LSMEM1: variants seen among roughly 807,000 people sequenced by gnomAD.
LSMEM1 encodes leucine rich single-pass membrane protein 1, also known as leucine-rich single-pass membrane protein 1.
Under a neutral mutation model 11.3 loss-of-function variants are expected in LSMEM1, and 10 were observed. The observed-to-expected ratio is 0.89, with a 90% CI of 0.55 to 1.50. The LOEUF is 1.50. Among genes scored for constraint, LSMEM1 ranks in the 40% most tolerant of loss-of-function variants. LSMEM1 has a pLI of 0.00. For synonymous variants in LSMEM1, 65 were observed against 59.3 expected, an observed-to-expected ratio of 1.10 and a Z score of -0.44; for missense variants, 151 against 152.9, an observed-to-expected ratio of 0.99 and a Z score of 0.06.
chr7:112,480,996 A>G lies in LSMEM1; in HGVS notation c.-356A>G, dbSNP rs1796022104. ...CAGATAAGGACGGTAACTTCAGTCC[A>G]ATAAAAACCTCATCAGTTACCAACT... On this transcript the variant is annotated 5_prime_UTR_variant, in exon 1 of 4. Coordinates refer to ENST00000312849, the MANE Select transcript of LSMEM1 (RefSeq NM_182597.3). 1 of 401,238 alleles carries G rather than the reference A, an allele frequency of 2.5e-6. No homozygotes were observed. The allele number at this position is 401,238 out of a possible 1,614,324, so 24.9% of individuals were successfully genotyped here. A position where few individuals can be genotyped will look rare whatever the true frequency, so the allele number is the denominator to read the frequency against.
intron 2 of LSMEM1, among the ~76,000 whole-genome samples, chr7:112,485,755 G>A (rs2117367710): frequency 6.6e-6 from 1 of 152,098 alleles, no homozygotes; most frequent in South Asian, 2.1e-4. Flanking sequence ...AGTGGCTGAA[G>A]CGTATGGCAT....
At chr7:112,485,009 C>G in intron 2 of LSMEM1, 66 bp downstream of exon 2, 1 of 1,471,530 alleles carries the variant, frequency 6.8e-7, no homozygotes, top group Admixed American at 1.9e-5. Context: ...ATAGCCACTG[C>G]TGACTGGATG....
At chr7:112,488,998 T>C (rs1324771888) in intron 3 of LSMEM1, among the ~76,000 whole-genome samples, 1 of 152,184 alleles carries the variant, frequency 6.6e-6, no homozygotes, top group African/African-American at 2.4e-5. Context: ...AAAATGGGGC[T>C]CAAGGATACT....
intron 1 of LSMEM1, among the ~76,000 whole-genome samples, chr7:112,482,469 G>C (rs1796050122): frequency 6.6e-6 from 1 of 152,198 alleles, no homozygotes; most frequent in African/African-American, 2.4e-5. Context: ...AAGGCTCAAG[G>C]CTATTAAGTC....
chr7:112,484,988 G>C, intron 2 of LSMEM1, 45 bp downstream of exon 2: 1 of 1,547,182 alleles, frequency 6.5e-7, no homozygotes, highest in Non-Finnish European at 8.7e-7. Context: ...TAGCTTCTAG[G>C]CTACCTAAAA....
chr7:112,490,057 C>T lies in LSMEM1; in HGVS notation c.*108C>T. On this transcript the variant is annotated 3_prime_UTR_variant, in exon 4 of 4. Transcript: ENST00000312849. Reference sequence around the variant, plus strand: ...TGCACTTCCTCAGGCAACAGATGATCTGGTCAGGCAACCCACCCCTGGGGC... The same window carrying T: ...TGCACTTCCTCAGGCAACAGATGATTTGGTCAGGCAACCCACCCCTGGGGC... 7.5e-7 allele frequency: 1 copy of T among 1,334,938 alleles called. No homozygotes were observed. The highest frequency in any genetic ancestry group is 2.4e-5 in the East Asian group (1 of 41,542). 82.7% of individuals were successfully genotyped at this position (1,334,938 alleles called of 1,614,324 possible).
intron 3 of LSMEM1, among the ~76,000 whole-genome samples, chr7:112,487,742 A>C (rs1018564662): frequency 3.9e-5 from 6 of 152,122 alleles, no homozygotes; most frequent in African/African-American, 1.4e-4. Context: ...GGTGCTGTCC[A>C]CCTGCGGTGC....
intron 1 of LSMEM1, among the ~76,000 whole-genome samples, chr7:112,482,645 A>G (rs919247923): frequency 2.2e-5 from 3 of 137,858 alleles, no homozygotes; most frequent in Admixed American, 7.0e-5. Context: ...ACACATCTAA[A>G]AGAATTGTTT....
At chr7:112,484,205 G>A (rs6963813) in intron 1 of LSMEM1, among the ~76,000 whole-genome samples, 38,588 of 152,110 alleles carry the variant, frequency 0.25, 6,204 homozygotes, top group Non-Finnish European at 0.37. Context: ...GGGACTCACA[G>A]TCAGCATCTT....
intron 2 of LSMEM1, among the ~76,000 whole-genome samples, chr7:112,485,427 A>T (rs926623666): frequency 2.0e-5 from 3 of 152,174 alleles, no homozygotes; most frequent in African/African-American, 7.2e-5. Context: ...AAATCTGCTA[A>T]ATACTAAGTG....
At position 112,484,814 on chromosome 7, in the gene LSMEM1, A is replaced by G; in HGVS notation, c.-3A>G. The G allele has an allele frequency of 6.2e-7, 1 of 1,613,036 alleles. No homozygotes were observed. Among genetic ancestry groups the G allele is most frequent in the South Asian group, 1.1e-5 (1 of 90,974 alleles). On this transcript the variant is annotated splice_region_variant and 5_prime_UTR_variant, in exon 2 of 4. Coordinates refer to ENST00000312849, the MANE Select transcript of LSMEM1 (RefSeq NM_182597.3). ...TTAACATCAGTGTTTTCTTCCAGGG[A>G]CAATGACTCATTCTTCCCAGGACAC...
intron 1 of LSMEM1, among the ~76,000 whole-genome samples, chr7:112,484,251 A>G (rs1043763308): frequency 3.9e-5 from 6 of 152,182 alleles, no homozygotes; most frequent in African/African-American, 1.4e-4. Flanking sequence ...AAGGACTTAC[A>G]TGCCATATGG....
intron 1 of LSMEM1, among the ~76,000 whole-genome samples, 160 bp from the exon 2 acceptor site, chr7:112,484,652 A>T (rs530692662): frequency 1.3e-5 from 2 of 152,092 alleles, no homozygotes; most frequent in Non-Finnish European, 2.9e-5. Context: ...AGAAGGAAAT[A>T]TTTTTTTCTG....
At chr7:112,484,770 C>T (rs780241115) in intron 1 of LSMEM1, 42 bp from the exon 2 acceptor site, 3 of 1,595,756 alleles carry the variant, frequency 1.9e-6, no homozygotes, top group Admixed American at 1.7e-5. Context: ...GTTGAGTTCA[C>T]AAGCCCAACC....
intron 2 of LSMEM1, 196 bp from the exon 3 acceptor site, chr7:112,486,727 G>A (rs1411246784): frequency 1.0e-5 from 6 of 591,176 alleles, no homozygotes; most frequent in South Asian, 2.2e-5. Context: ...AGTGAGCCGA[G>A]ATCAAGCCAC....
chr7:112,489,214 A>G (rs1796193813), intron 3 of LSMEM1, among the ~76,000 whole-genome samples: 2 of 152,228 alleles, frequency 1.3e-5, no homozygotes, highest in South Asian at 4.1e-4. Flanking sequence ...ATTATCTTAA[A>G]TCCTTCCTCT....
intron 2 of LSMEM1, chr7:112,486,343 C>T: frequency 2.2e-6 from 1 of 450,642 alleles, no homozygotes; most frequent in South Asian, 1.6e-5. Context: ...TCATGTTCTG[C>T]TATTTCAGTG....
At chr7:112,480,925 T>C, upstream of LSMEM1, 1 of 456,112 alleles carries the variant, frequency 2.2e-6, no homozygotes, top group Non-Finnish European at 4.4e-6. Flanking sequence ...AAGCATACCA[T>C]GGCAGGAGTG....
rs1321879331 is a variant in LSMEM1 at position 112,486,927 on chromosome 7, A to G, written c.132A>G (p.Leu44=). ...CPAGSQHLFP[L]EDKIPVLGTN... ...TTTTTGTTTGTTTCATATTAGCTCT[A>G]GAGGACAAAATCCCAGTCCTTGGCA... is the stretch of plus-strand genomic sequence containing the variant. The change falls in exon 3 of 4, where the codon CTA becomes CTG. Residue 44 remains leucine (L), a synonymous_variant. Coordinates refer to ENST00000312849, the MANE Select transcript of LSMEM1 (RefSeq NM_182597.3). 6.2e-7 allele frequency: 1 copy of G among 1,613,994 alleles called. No homozygotes were observed. Among genetic ancestry groups the G allele is most frequent in the African/African-American group, 1.3e-5 (1 of 74,928 alleles).
Sources: allele counts gnomAD v4.1 joint callset (sites outside exome capture counted in the v4.1 genomes callset), GRCh38; gene constraint gnomAD v4.1.1; transcripts MANE v1.5; gene names NCBI Gene and HGNC (gene_info 2026-07-23, HGNC 2026-07-21).